Variants in SIDT1 observed in about 807,000 individuals in gnomAD.
The protein encoded by SIDT1 is SID1 transmembrane family, member 1.
In SIDT1, 101 loss-of-function variants were observed where a neutral mutation model predicts 107.5. That is an observed-to-expected ratio of 0.94 (90% confidence interval 0.80 to 1.11). The LOEUF (loss-of-function observed/expected upper bound fraction) is 1.11. SIDT1 is among the 50% of genes least tolerant of loss of function. The probability of loss-of-function intolerance (pLI) is 0.00; values close to 1 mark genes in which losing one functional copy is unlikely to be tolerated. For missense variants in SIDT1, 1,076 were observed against 1,058.2 expected, an observed-to-expected ratio of 1.02 and a Z score of -0.23; for synonymous variants, 395 against 398.2, an observed-to-expected ratio of 0.99 and a Z score of 0.10.
chr3:113,588,331 GA>G (rs900083295), intron 9 of SIDT1, among the ~76,000 whole-genome samples: 4 of 152,040 alleles, frequency 2.6e-5, no homozygotes, highest in South Asian at 2.1e-4. Context: ...ATAGACTGAG[GA>G]AAAAAATGCT....
chr3:113,535,729 C>T (rs966174368), intron 1 of SIDT1, among the ~76,000 whole-genome samples: 3 of 152,132 alleles, frequency 2.0e-5, no homozygotes, highest in Non-Finnish European at 2.9e-5. Flanking sequence ...TCAATATAAG[C>T]CAAATGTCCT....
rs60256247 is a variant in SIDT1, at chr3:113,571,486, G to GCACACACACA, written c.515+3791_515+3800dup. On this transcript the variant is annotated intron_variant, in intron 3 of 24. Transcript: ENST00000264852. Reference sequence around the variant, plus strand: ...GCTTGGTGCCATCTACCTATCCTCTGCACACACACACACACACACACACAT... The same window carrying GCACACACACA: ...GCTTGGTGCCATCTACCTATCCTCTGCACACACACACACACACACACACACACACACACAT... 7.2e-3 allele frequency among the ~76,000 whole-genome samples: 1,074 copies of GCACACACACA among 148,938 alleles called. 2 individuals carry two copies. Among genetic ancestry groups the GCACACACACA allele is most frequent in the Middle Eastern group, 0.021 (6 of 284 alleles).
intron 19 of SIDT1, chr3:113,615,132 C>G: frequency 6.6e-7 from 1 of 1,525,320 alleles, no homozygotes; most frequent in Non-Finnish European, 8.8e-7. Flanking sequence ...TCAAAGTGAT[C>G]CACCTGGCTG....
At chr3:113,556,447 G>C (rs1043087372) in intron 1 of SIDT1, among the ~76,000 whole-genome samples, 3 of 152,218 alleles carry the variant, frequency 2.0e-5, no homozygotes, top group Admixed American at 6.5e-5. Flanking sequence ...AGGGGCAGCT[G>C]TTTTTATACA....
At chr3:113,635,837 T>TG in the SIDT1 span, among the ~76,000 whole-genome samples, 1 of 146,924 alleles carries the variant, frequency 6.8e-6, no homozygotes, top group Non-Finnish European at 1.5e-5. Context: ...ACTGTGCCAC[T>TG]GCACCCCAGC....
chr3:113,540,365 A>G (rs1938676185), intron 1 of SIDT1, among the ~76,000 whole-genome samples: 2 of 152,228 alleles, frequency 1.3e-5, no homozygotes, highest in Admixed American at 6.5e-5. Flanking sequence ...ATCCAACTAC[A>G]GCAATTACTC....
intron 10 of SIDT1, among the ~76,000 whole-genome samples, chr3:113,595,568 G>T (rs1312364939): frequency 6.7e-6 from 1 of 149,692 alleles, no homozygotes. Flanking sequence ...GACAGAGCAA[G>T]ACCGTGTCTC....
intron 1 of SIDT1, 89 bp from the exon 2 acceptor site, chr3:113,566,331 T>G: frequency 7.8e-7 from 1 of 1,276,618 alleles, no homozygotes; most frequent in Non-Finnish European, 1.1e-6. Flanking sequence ...TGTGTGTTTG[T>G]GTGTGTTTGT....
At chr3:113,550,984 A>G (rs568391468) in intron 1 of SIDT1, among the ~76,000 whole-genome samples, 129 of 152,282 alleles carry the variant, frequency 8.5e-4, no homozygotes, top group African/African-American at 2.9e-3. Context: ...CTCATCATTT[A>G]GATTCCACTT....
At position 113,566,472 on chromosome 3, in the gene SIDT1, C is replaced by T. The variant is rs371942858; in HGVS notation, c.275C>T (p.Pro92Leu). 120 of 1,613,974 alleles carry T rather than the reference C, an allele frequency of 7.4e-5. No homozygotes were observed. Among genetic ancestry groups the T allele is most frequent in the Non-Finnish European group, 1.0e-4 (118 of 1,180,008 alleles). Residue 92 changes from proline to leucine, a missense_variant, in exon 2 of 25, where the codon CCG becomes CTG. Physicochemically the swap from Pro to Leu is moderately conservative, Grantham distance 98. Coordinates refer to ENST00000264852, the MANE Select transcript of SIDT1 (RefSeq NM_017699.3). The part of the protein sequence containing the change: ...VNSSSENLNY[P>L]VLVVVRQQKE... The stretch of plus-strand genomic sequence containing the variant: ...AGTTCCTCTGAGAATCTCAACTACC[C>T]GGTCCTTGTTGTGGTTCGCCAGCAG...
chr3:113,625,146 G>A (rs758325038), intron 23 of SIDT1, among the ~76,000 whole-genome samples: 2 of 150,956 alleles, frequency 1.3e-5, no homozygotes, highest in Non-Finnish European at 2.9e-5. Context: ...TTTTTTTTGG[G>A]GGGGCGGGGG....
chr3:113,533,467 A>G (rs1440583983), intron 1 of SIDT1, among the ~76,000 whole-genome samples: 3 of 152,148 alleles, frequency 2.0e-5, no homozygotes, highest in South Asian at 4.1e-4. Context: ...GGTCAAGGGC[A>G]TTGCTGGGCT....
rs1208836574 is a variant in SIDT1, at chr3:113,612,295, G to A, written c.1966+101G>A. The stretch of plus-strand genomic sequence containing the variant: ...CTGAATGAAAGTGTCACTGGTCACC[G>A]TGAACACATGCTCTGAATTCTATGC... On this transcript the variant is annotated intron_variant, in intron 19 of 24. Transcript: ENST00000264852. The A allele has an allele frequency of 3.4e-5, 28 of 814,144 alleles. 1 individual carries two copies. The highest frequency in any genetic ancestry group is 2.6e-4 in the East Asian group (10 of 38,784). 50.4% of individuals were successfully genotyped at this position (814,144 alleles called of 1,614,324 possible). A position where few individuals can be genotyped will look rare whatever the true frequency, so the allele number is the denominator to read the frequency against.
chr3:113,558,348 G>A (rs1328437068), intron 1 of SIDT1, among the ~76,000 whole-genome samples: 1 of 152,178 alleles, frequency 6.6e-6, no homozygotes, highest in African/African-American at 2.4e-5. Context: ...TTTGTTTCCT[G>A]TTTTTTCTCA....
rs1046019632 is a variant in SIDT1, at chr3:113,607,243, T to C, written c.1478+129T>C. On this transcript the variant is annotated intron_variant, in intron 15 of 24. Coordinates refer to ENST00000264852, the MANE Select transcript of SIDT1 (RefSeq NM_017699.3). ...ACCCTATTCAAGGGTAAAAAGGAAC[T>C]AAACCAAGAAGTTGAGACCAGGTAT... is the stretch of plus-strand genomic sequence containing the variant. 28 of 608,386 alleles carry C rather than the reference T, an allele frequency of 4.6e-5. No homozygotes were observed. The South Asian group carries it at 6.3e-4, about 14-fold the overall frequency. The allele number at this position is 608,386 out of a possible 1,614,324, so 37.7% of individuals were successfully genotyped here. A position where few individuals can be genotyped will look rare whatever the true frequency, so the allele number is the denominator to read the frequency against.
intron 1 of SIDT1, among the ~76,000 whole-genome samples, chr3:113,545,186 T>C (rs1458467889): frequency 6.7e-6 from 1 of 150,214 alleles, no homozygotes; most frequent in Non-Finnish European, 1.5e-5. Flanking sequence ...AAATATCCTG[T>C]GCTTCACCAA....
chr3:113,607,082 C>T lies in SIDT1; in HGVS notation c.1446C>T (p.Asn482=). Residue 482 remains asparagine, a synonymous_variant, in exon 15 of 25, where the codon AAC becomes AAT. Coordinates refer to ENST00000264852, the MANE Select transcript of SIDT1 (RefSeq NM_017699.3). ...VTGNQDICYY[N]FLCAHPLGVL... is the part of the protein sequence containing the mutation. Reference sequence around the variant, plus strand: ...GCAACCAGGACATCTGTTACTACAACTTCCTCTGTGCTCACCCCTTGGGCG... The same window carrying T: ...GCAACCAGGACATCTGTTACTACAATTTCCTCTGTGCTCACCCCTTGGGCG... The T allele has an allele frequency of 6.2e-7, 1 of 1,613,378 alleles. No homozygotes were observed. Among genetic ancestry groups the T allele is most frequent in the Non-Finnish European group, 8.5e-7 (1 of 1,179,328 alleles).
At chr3:113,631,194 G>A (rs1286277169), downstream of SIDT1, among the ~76,000 whole-genome samples, 1 of 152,136 alleles carries the variant, frequency 6.6e-6, no homozygotes, top group Non-Finnish European at 1.5e-5. Context: ...AAAAACCTAG[G>A]TTTTCTCCTC....
At chr3:113,554,485 A>T (rs1372188118) in intron 1 of SIDT1, among the ~76,000 whole-genome samples, 1 of 152,110 alleles carries the variant, frequency 6.6e-6, no homozygotes, top group Admixed American at 6.5e-5. Context: ...AATACGTCTC[A>T]CAAGATCTAA....
Sources: allele counts gnomAD v4.1 joint callset (sites outside exome capture counted in the v4.1 genomes callset), GRCh38; gene constraint gnomAD v4.1.1; transcripts MANE v1.5; gene names NCBI Gene and HGNC (gene_info 2026-07-23, HGNC 2026-07-21).